The following NDST3 variants were observed in gnomAD, a reference collection of about 807,000 sequenced individuals.
NDST3 encodes N-deacetylase and N-sulfotransferase 3, also known as bifunctional heparan sulfate N-deacetylase/N-sulfotransferase 3.
Under a neutral mutation model 96.1 loss-of-function variants are expected in NDST3, and 58 were observed. The observed-to-expected ratio is 0.60, with a 90% confidence interval of 0.49 to 0.75. NDST3 has a LOEUF of 0.75. NDST3 is among the 30% of genes least tolerant of loss of function. The pLI is 0.00. For synonymous variants in NDST3, 333 were observed against 359.7 expected (o/e 0.93, Z 0.84); for missense variants, 788 against 1,034.2 (o/e 0.76, Z 3.27).
chr4:118,167,234 C>T (rs1432154499), intron 6 of NDST3, among the ~76,000 whole-genome samples: 1 of 151,648 alleles, frequency 6.6e-6, no homozygotes, highest in Non-Finnish European at 1.5e-5. Flanking sequence ...GATACAAAAT[C>T]AACATACAAA....
intron 2 of NDST3, 80 bp downstream of exon 2, chr4:118,054,971 T>C (rs1330697996): frequency 1.3e-6 from 2 of 1,566,342 alleles, no homozygotes; most frequent in African/African-American, 1.3e-5. Context: ...GTACTACAAC[T>C]GGGTTACCCA....
chr4:118,143,753 G>C (rs565016977), intron 6 of NDST3, 69 bp downstream of exon 6: 2 of 1,500,760 alleles, frequency 1.3e-6, no homozygotes, highest in Non-Finnish European at 1.8e-6. Context: ...CTGGCAAAGA[G>C]GCTAGGGATT....
intron 6 of NDST3, among the ~76,000 whole-genome samples, chr4:118,173,712 T>C (rs1484339346): frequency 6.6e-6 from 1 of 152,156 alleles, no homozygotes; most frequent in Non-Finnish European, 1.5e-5. Flanking sequence ...ATGTACACAC[T>C]CTGTATACAG....
intron 6 of NDST3, among the ~76,000 whole-genome samples, 161 bp downstream of exon 6, chr4:118,143,845 G>T (rs1306270343): frequency 6.6e-6 from 1 of 152,154 alleles, no homozygotes; most frequent in Non-Finnish European, 1.5e-5. Context: ...CTAGAAATGG[G>T]AACAAACCAA....
chr4:118,090,435 G>A (rs1728773459), intron 2 of NDST3, among the ~76,000 whole-genome samples: 1 of 151,902 alleles, frequency 6.6e-6, no homozygotes, highest in African/African-American at 2.4e-5. Flanking sequence ...TATGAAGTCA[G>A]CAATGGGAGT....
intron 2 of NDST3, among the ~76,000 whole-genome samples, chr4:118,097,690 A>C (rs1373243257): frequency 6.6e-6 from 1 of 152,030 alleles, no homozygotes; most frequent in Admixed American, 6.6e-5. Flanking sequence ...AATAATTTGA[A>C]ATCAAATGTT....
intron 4 of NDST3, among the ~76,000 whole-genome samples, chr4:118,127,616 C>A (rs941657485): frequency 6.6e-6 from 1 of 151,958 alleles, no homozygotes; most frequent in South Asian, 2.1e-4. Flanking sequence ...AACGTGAAAT[C>A]AGGTAATGTG....
intron 6 of NDST3, among the ~76,000 whole-genome samples, chr4:118,181,511 A>G (rs1045114226): frequency 3.9e-5 from 6 of 152,174 alleles, no homozygotes; most frequent in African/African-American, 1.2e-4. Flanking sequence ...GAGTTTGAGA[A>G]GCTTCAATTA....
At chr4:118,117,194 T>C (rs1731200286) in intron 4 of NDST3, among the ~76,000 whole-genome samples, 5 of 152,144 alleles carry the variant, frequency 3.3e-5, no homozygotes, top group Admixed American at 3.3e-4. Flanking sequence ...AGGATAGATA[T>C]GAAAAAAGAC....
intron 6 of NDST3, among the ~76,000 whole-genome samples, chr4:118,203,737 T>C (rs1403335932): frequency 6.6e-6 from 1 of 152,218 alleles, no homozygotes; most frequent in Non-Finnish European, 1.5e-5. Context: ...ACCTAATACT[T>C]ACACATGTAA....
At chr4:118,088,006 C>A (rs1321793616) in intron 2 of NDST3, among the ~76,000 whole-genome samples, 1 of 151,908 alleles carries the variant, frequency 6.6e-6, no homozygotes, top group Admixed American at 6.6e-5. Flanking sequence ...TCATTTTTTT[C>A]TTTCTTTGGT....
intron 6 of NDST3, among the ~76,000 whole-genome samples, chr4:118,163,029 T>G (rs1735283474): frequency 1.3e-5 from 2 of 151,526 alleles, no homozygotes; most frequent in African/African-American, 4.9e-5. Context: ...ATCAGAGAAA[T>G]GCAAATCAAA....
intron 2 of NDST3, among the ~76,000 whole-genome samples, chr4:118,078,174 C>T (rs1377880479): frequency 6.6e-6 from 1 of 152,136 alleles, no homozygotes; most frequent in East Asian, 1.9e-4. Flanking sequence ...TCAGCCCAGA[C>T]AGGCTGGTGC....
intron 6 of NDST3, among the ~76,000 whole-genome samples, chr4:118,217,479 G>A (rs534124078): frequency 7.2e-5 from 11 of 152,172 alleles, no homozygotes; most frequent in South Asian, 2.1e-4. Flanking sequence ...AGAATGAGAC[G>A]TGCTCATGTG....
At chr4:118,115,206 T>C (rs1730990275) in intron 4 of NDST3, among the ~76,000 whole-genome samples, 1 of 152,204 alleles carries the variant, frequency 6.6e-6, no homozygotes, top group African/African-American at 2.4e-5. Context: ...TATGACATTA[T>C]GGTCAGAGCA....
chr4:118,190,722 C>T (rs1578790319), intron 6 of NDST3, among the ~76,000 whole-genome samples: 1 of 152,170 alleles, frequency 6.6e-6, no homozygotes, highest in Admixed American at 6.5e-5. Context: ...GACTTTGCTG[C>T]ATAGTTGCTG....
chr4:118,191,338 G>T (rs1737289097), intron 6 of NDST3, among the ~76,000 whole-genome samples: 1 of 152,142 alleles, frequency 6.6e-6, no homozygotes, highest in East Asian at 1.9e-4. Context: ...TCTTACAAAT[G>T]GAGATTTCCT....
intron 12 of NDST3, among the ~76,000 whole-genome samples, chr4:118,244,771 T>C (rs907268222): frequency 2.0e-5 from 3 of 152,178 alleles, no homozygotes; most frequent in Admixed American, 6.5e-5. Flanking sequence ...GTTTATTCTT[T>C]TCCACAAGTG....
chr4:118,227,570 C>T (rs1033803614), intron 8 of NDST3, among the ~76,000 whole-genome samples: 29 of 149,880 alleles, frequency 1.9e-4, no homozygotes, highest in Non-Finnish European at 7.4e-5. Flanking sequence ...AATTGATGTG[C>T]AATTTTTTTC....
Sources: gnomAD v4.1 joint callset for allele counts (sites outside exome capture counted in the v4.1 genomes callset) on GRCh38, gnomAD v4.1.1 for gene constraint, MANE v1.5 for transcripts, NCBI Gene and HGNC (gene_info 2026-07-23, HGNC 2026-07-21) for gene names.